The following COL6A5 variants were observed in gnomAD, a reference collection of about 807,000 sequenced individuals.
COL6A5 encodes the protein collagen alpha-5(VI) chain.
Under a neutral mutation model 65.6 loss-of-function variants are expected in COL6A5, and 48 were observed. The ratio of observed to expected loss-of-function variants is 0.73; its 90% confidence interval spans 0.58 to 0.93. The LOEUF is 0.93. Ranked by LOEUF, COL6A5 falls within the 40% of genes least tolerant of loss-of-function variation. The pLI is 0.00. For missense variants in COL6A5, 914 were observed against 928.3 expected (o/e 0.98, Z 0.20); for synonymous variants, 291 against 322.8 (o/e 0.90, Z 1.05).
chr3:130,376,740 A>G (rs755092854), exon 3 of COL6A5: 1 of 1,613,688 alleles, frequency 6.2e-7, no homozygotes, highest in Non-Finnish European at 8.5e-7. Flanking sequence ...CAACCTTCGG[A>G]CAATCAGAGA....
At chr3:130,388,409 C>G (rs894952328) in intron 5 of COL6A5, among the ~76,000 whole-genome samples, 171 bp from the exon 6 acceptor site, 2 of 152,080 alleles carry the variant, frequency 1.3e-5, no homozygotes, top group Non-Finnish European at 2.9e-5. Context: ...ATTCAAGGTT[C>G]TAGTCAACCA....
intron 29 of COL6A5, among the ~76,000 whole-genome samples, chr3:130,424,793 G>C (rs1263971119): frequency 6.6e-6 from 1 of 152,102 alleles, no homozygotes; most frequent in South Asian, 2.1e-4. Context: ...TTATGCGAGT[G>C]AGAATGTAGT....
At chr3:130,381,436 A>G (rs1935990479) in intron 4 of COL6A5, among the ~76,000 whole-genome samples, 1 of 152,108 alleles carries the variant, frequency 6.6e-6, no homozygotes, top group South Asian at 2.1e-4. Context: ...TTTTGTTTTT[A>G]TAAAAGTCTT....
At chr3:130,410,658 C>T (rs921138558) in intron 20 of COL6A5, 134 bp downstream of exon 20, 1 of 723,290 alleles carries the variant, frequency 1.4e-6, no homozygotes. Flanking sequence ...CTTGACACTA[C>T]TGAAATTTGG....
intron 1 of COL6A5, among the ~76,000 whole-genome samples, chr3:130,434,103 G>A (rs577040857): frequency 2.6e-5 from 4 of 152,080 alleles, no homozygotes; most frequent in Admixed American, 6.6e-5. Context: ...CCCACCCCTC[G>A]ACAGGCCCTG....
At chr3:130,483,580 A>G (rs1397263116) in intron 7 of COL6A5, among the ~76,000 whole-genome samples, 1 of 152,166 alleles carries the variant, frequency 6.6e-6, no homozygotes, top group Non-Finnish European at 1.5e-5. Context: ...TCAAAGAATA[A>G]TAGGTGCTGA....
intron 1 of COL6A5, among the ~76,000 whole-genome samples, chr3:130,371,444 A>G (rs1935554276): frequency 6.6e-6 from 1 of 152,192 alleles, no homozygotes; most frequent in Admixed American, 6.5e-5. Context: ...TAGCATAATC[A>G]AGACTATGTG....
intron 4 of COL6A5, 119 bp downstream of exon 4, chr3:130,380,169 G>A: frequency 1.3e-6 from 1 of 789,326 alleles, no homozygotes; most frequent in Non-Finnish European, 1.9e-6. Context: ...TTGTGGGAAT[G>A]TTCTAAAGCT....
intron 5 of COL6A5, among the ~76,000 whole-genome samples, chr3:130,459,175 A>G (rs556895267): frequency 6.6e-6 from 1 of 152,114 alleles, no homozygotes; most frequent in Non-Finnish European, 1.5e-5. Context: ...AGGCCTTAGG[A>G]TAACTTCAAC....
intron 5 of COL6A5, among the ~76,000 whole-genome samples, chr3:130,386,179 T>A (rs769243472): frequency 6.6e-6 from 1 of 152,118 alleles, no homozygotes; most frequent in Non-Finnish European, 1.5e-5. Flanking sequence ...AGAGGAAAGA[T>A]GCTAGAGTCA....
chr3:130,384,893 T>G, exon 5 of COL6A5: 2 of 1,550,874 alleles, frequency 1.3e-6, no homozygotes, highest in Non-Finnish European at 1.7e-6. Context: ...AATCAAGAGA[T>G]TTATGTTGGA....
chr3:130,395,360 G>A, exon 8 of COL6A5: 1 of 1,547,814 alleles, frequency 6.5e-7, no homozygotes, highest in Non-Finnish European at 8.7e-7. Context: ...GCCAATAACA[G>A]GCAATTCTGA....
chr3:130,418,881 C>T (rs1210714102), exon 25 of COL6A5: 4 of 1,550,772 alleles, frequency 2.6e-6, no homozygotes, highest in Non-Finnish European at 3.5e-6. Context: ...AGAGCCTGGA[C>T]TTCCTGGAGA....
chr3:130,455,666 G>A, exon 5 of COL6A5: 2 of 1,603,950 alleles, frequency 1.2e-6, no homozygotes, highest in Non-Finnish European at 1.7e-6. Context: ...TCTCACTTCT[G>A]GTAAGAAAAT....
chr3:130,479,872 A>G (rs531988393), intron 7 of COL6A5, among the ~76,000 whole-genome samples: 36 of 152,238 alleles, frequency 2.4e-4, no homozygotes, highest in African/African-American at 6.3e-4. Context: ...GGTATAATTA[A>G]TAGCCATTTG....
chr3:130,419,131 A>G (rs1937451861), intron 25 of COL6A5, among the ~76,000 whole-genome samples, 200 bp downstream of exon 25: 1 of 152,106 alleles, frequency 6.6e-6, no homozygotes, highest in Non-Finnish European at 1.5e-5. Flanking sequence ...AACAGCAAGC[A>G]GGAGAATGAG....
chr3:130,400,899 C>T, intron 10 of COL6A5, 132 bp from the exon 11 acceptor site: 1 of 696,502 alleles, frequency 1.4e-6, no homozygotes, highest in South Asian at 2.7e-5. Context: ...CAGGAGTACT[C>T]CTTCCTCTTA....
chr3:130,469,622 CAG>C, intron 6 of COL6A5, 141 bp downstream of exon 38: 1 of 739,194 alleles, frequency 1.4e-6, no homozygotes, highest in East Asian at 2.7e-5. Flanking sequence ...TAAAAAATCT[CAG>C]AGAAAATTCC....
At chr3:130,420,824 C>T (rs1298582499) in intron 25 of COL6A5, among the ~76,000 whole-genome samples, 1 of 151,986 alleles carries the variant, frequency 6.6e-6, no homozygotes, top group Non-Finnish European at 1.5e-5. Context: ...ATTTGTAATC[C>T]TTCTTCAGAG....
Sources: allele counts gnomAD v4.1 joint callset (sites outside exome capture counted in the v4.1 genomes callset), GRCh38; gene constraint gnomAD v4.1.1; transcripts MANE v1.5; gene names NCBI Gene and HGNC (gene_info 2026-07-23, HGNC 2026-07-21).